CDK8: variants seen among roughly 807,000 people sequenced by gnomAD.
CDK8 encodes the protein cyclin-dependent kinase 8.
CDK8 carries 29 observed loss-of-function variants against 71.5 expected under a neutral mutation model. The ratio of observed to expected loss-of-function variants is 0.41; its 90% CI spans 0.30 to 0.55. The LOEUF (loss-of-function observed/expected upper bound fraction) is 0.55, where lower values mean the gene tolerates loss of function less well. Ranked by LOEUF, CDK8 falls within the 20% of genes least tolerant of loss-of-function variation. CDK8 has a pLI of 0.37. For missense variants in CDK8, 288 were observed against 572.6 expected (o/e 0.50, Z 5.07); for synonymous variants, 161 against 192.1 (o/e 0.84, Z 1.34).
intron 2 of CDK8, among the ~76,000 whole-genome samples, chr13:26,347,156 A>G (rs1045744842): frequency 6.6e-6 from 1 of 152,216 alleles, no homozygotes; most frequent in Non-Finnish European, 1.5e-5. Context: ...TTTGGTTATC[A>G]TAAGATAAGG....
At chr13:26,274,746 A>T (rs536210085) in intron 1 of CDK8, among the ~76,000 whole-genome samples, 31 of 151,960 alleles carry the variant, frequency 2.0e-4, no homozygotes, top group African/African-American at 7.2e-4. Context: ...TTTCTTAAAT[A>T]TTTCTTTTTG....
At chr13:26,336,136 C>CACACACACAT (rs1872971626) in intron 1 of CDK8, among the ~76,000 whole-genome samples, 2 of 151,518 alleles carry the variant, frequency 1.3e-5, no homozygotes, top group East Asian at 1.9e-4. Context: ...CACACACACA[C>CACACACACAT]ACACACATAC....
intron 1 of CDK8, among the ~76,000 whole-genome samples, chr13:26,265,850 G>T (rs1312197123): frequency 1.3e-5 from 2 of 152,210 alleles, no homozygotes; most frequent in Non-Finnish European, 2.9e-5. Context: ...CCATGCTTAG[G>T]GTCTTAAGCA....
At chr13:26,267,665 T>G (rs1872084210) in intron 1 of CDK8, among the ~76,000 whole-genome samples, 1 of 152,250 alleles carries the variant, frequency 6.6e-6, no homozygotes, top group Non-Finnish European at 1.5e-5. Context: ...CAATTCATTT[T>G]ATCAGTTCAT....
intron 1 of CDK8, among the ~76,000 whole-genome samples, chr13:26,279,386 C>G (rs970946143): frequency 6.6e-6 from 1 of 151,942 alleles, no homozygotes; most frequent in Non-Finnish European, 1.5e-5. Flanking sequence ...CAATCATCAG[C>G]TTAACAAAAT....
chr13:26,377,021 T>C (rs564395349), intron 4 of CDK8, among the ~76,000 whole-genome samples: 20 of 152,382 alleles, frequency 1.3e-4, no homozygotes, highest in Non-Finnish European at 2.8e-4. Context: ...ATTAGCACTA[T>C]TACTCTTGTG....
rs578219526 is a variant in CDK8, at chr13:26,348,748, T to A, written c.205-324T>A. On this transcript the variant is annotated intron_variant, in intron 2 of 12. Coordinates refer to ENST00000381527, the MANE Select transcript of CDK8 (RefSeq NM_001260.3). ...TCGCAGAACATTGTGAATATACTTA[T>A]AGGATGCCACTGAATTGTACACTTA... Among the ~76,000 whole-genome samples the A allele has an allele frequency of 2.6e-5, 4 of 152,284 alleles. No individual in the cohort carries two copies. In the East Asian group the frequency reaches 7.7e-4, roughly 29 times the overall value.
chr13:26,358,277 C>T (rs759410206), intron 4 of CDK8, among the ~76,000 whole-genome samples: 18 of 151,538 alleles, frequency 1.2e-4, no homozygotes, highest in Middle Eastern at 3.2e-3. Flanking sequence ...CCAGCCTGGG[C>T]AACAGAGCAA....
chr13:26,296,159 C>T (rs1463110827), intron 1 of CDK8, among the ~76,000 whole-genome samples: 1 of 152,274 alleles, frequency 6.6e-6, no homozygotes, highest in South Asian at 2.1e-4. Context: ...TTGTCAACAT[C>T]GCCTAATTTT....
chr13:26,352,496 G>A lies in CDK8; in HGVS notation c.316-1244G>A, dbSNP rs146413894. On this transcript the variant is annotated intron_variant, in intron 3 of 12. Coordinates refer to ENST00000381527, the MANE Select transcript of CDK8 (RefSeq NM_001260.3). ...CTCCCAAAGTTCTGGGATTACAGGC[G>A]TGAGCCACCATGCCCGGCCCAAGAA... is the stretch of plus-strand genomic sequence containing the variant. Among the ~76,000 whole-genome samples the A allele has an allele frequency of 5.2e-3, 791 of 152,250 alleles. 6 individuals carry two copies. The highest frequency in any genetic ancestry group is 0.017 in the African/African-American group (727 of 41,558).
chr13:26,342,492 T>C (rs1029360694), intron 2 of CDK8, among the ~76,000 whole-genome samples: 2 of 152,220 alleles, frequency 1.3e-5, no homozygotes, highest in Non-Finnish European at 2.9e-5. Flanking sequence ...GATTTCTTTG[T>C]GTTTCAGTTT....
Position 26,381,787 on chromosome 13 carries a change from G to T in CDK8, c.457-1027G>T, listed in dbSNP as rs141647231. ...TTTTGGCTGGGAATAACTATCTTTG[G>T]TAGGTGATAGGCTAGTATACTACAC... On this transcript the variant is annotated intron_variant, in intron 4 of 12. Transcript: ENST00000381527. Among the ~76,000 whole-genome samples the T allele has an allele frequency of 2.3e-4, 35 of 151,924 alleles. No homozygotes were observed. The East Asian group carries it at 6.8e-3, about 29-fold the overall frequency.
At chr13:26,374,801 G>A (rs1224651174) in intron 4 of CDK8, among the ~76,000 whole-genome samples, 2 of 152,086 alleles carry the variant, frequency 1.3e-5, no homozygotes, top group Non-Finnish European at 2.9e-5. Flanking sequence ...TTTACAGATT[G>A]ATTTTATTAT....
At chr13:26,256,619 T>C (rs1243321080) in intron 1 of CDK8, among the ~76,000 whole-genome samples, 1 of 152,222 alleles carries the variant, frequency 6.6e-6, no homozygotes, top group Non-Finnish European at 1.5e-5. Context: ...CTTAAGCACA[T>C]TTTATATCTC....
At chr13:26,373,038 T>C (rs1228486952) in intron 4 of CDK8, among the ~76,000 whole-genome samples, 1 of 152,174 alleles carries the variant, frequency 6.6e-6, no homozygotes, top group African/African-American at 2.4e-5. Flanking sequence ...AGCCTTCTTG[T>C]TTTAACTTCT....
intron 1 of CDK8, among the ~76,000 whole-genome samples, chr13:26,287,457 A>G (rs1213760365): frequency 6.6e-6 from 1 of 152,236 alleles, no homozygotes; most frequent in Non-Finnish European, 1.5e-5. Flanking sequence ...TTCTAAGTTC[A>G]GTAACTCAGG....
intron 1 of CDK8, among the ~76,000 whole-genome samples, chr13:26,333,149 T>A (rs1162191142): frequency 6.6e-6 from 1 of 152,070 alleles, no homozygotes; most frequent in Non-Finnish European, 1.5e-5. Flanking sequence ...ACCTTCTTTT[T>A]TTTTTTTGAG....
chr13:26,356,417 A>G (rs9319297), intron 4 of CDK8, among the ~76,000 whole-genome samples: 15,342 of 152,134 alleles, frequency 0.1, 2,542 homozygotes, highest in African/African-American at 0.35. Flanking sequence ...GAGATTTCCC[A>G]TATTTTCTGT....
intron 4 of CDK8, chr13:26,359,715 T>C: frequency 2.3e-6 from 1 of 434,314 alleles, no homozygotes; most frequent in South Asian, 1.6e-5. Flanking sequence ...CTCATTTTTT[T>C]CTTCTTTTCT....
Sources: gnomAD v4.1 joint callset for allele counts (sites outside exome capture counted in the v4.1 genomes callset) on GRCh38, gnomAD v4.1.1 for gene constraint, MANE v1.5 for transcripts, NCBI Gene and HGNC (gene_info 2026-07-23, HGNC 2026-07-21) for gene names.